Variants in RELN observed in about 807,000 individuals in gnomAD.
The protein encoded by RELN is reelin.
A neutral mutation model predicts 427.6 loss-of-function variants in RELN; 108 were observed. The observed-to-expected ratio is 0.25, with a 90% CI of 0.22 to 0.30. The LOEUF (loss-of-function observed/expected upper bound fraction) is 0.30. Among genes scored for constraint, RELN ranks in the 10% least tolerant of loss-of-function variants. RELN has a pLI of 1.00. For synonymous variants in RELN, 1,524 were observed against 1,513.4 expected (o/e 1.01, Z -0.16); for missense variants, 3,715 against 4,302.8 (o/e 0.86, Z 3.82).
chr7:103,881,496 C>CT (rs1389933003), intron 2 of RELN, among the ~76,000 whole-genome samples: 3 of 152,104 alleles, frequency 2.0e-5, no homozygotes, highest in Non-Finnish European at 4.4e-5. Flanking sequence ...TTCTGCACCC[C>CT]TTCTTGCTGC....
At chr7:103,579,536 T>C (rs1405045294) in intron 28 of RELN, among the ~76,000 whole-genome samples, 3 of 150,882 alleles carry the variant, frequency 2.0e-5, no homozygotes, top group Admixed American at 2.0e-4. Context: ...GAGATGGAGG[T>C]TGCAGTGAGC....
intron 11 of RELN, among the ~76,000 whole-genome samples, chr7:103,667,359 T>C (rs966926208): frequency 2.0e-5 from 3 of 152,236 alleles, no homozygotes; most frequent in African/African-American, 7.2e-5. Flanking sequence ...GTTCAATTTA[T>C]TTTAACATGT....
At chr7:103,793,877 G>A (rs748187171) in intron 3 of RELN, among the ~76,000 whole-genome samples, 2 of 152,016 alleles carry the variant, frequency 1.3e-5, no homozygotes, top group African/African-American at 2.4e-5. Context: ...AGTCATTCTC[G>A]TGCCTCAGCC....
chr7:103,842,618 C>A (rs943126977), intron 2 of RELN, among the ~76,000 whole-genome samples: 1 of 152,186 alleles, frequency 6.6e-6, no homozygotes, highest in Non-Finnish European at 1.5e-5. Context: ...TTGAATAGTA[C>A]GTGCACACAC....
chr7:103,981,587 T>C (rs1480334859), intron 1 of RELN, among the ~76,000 whole-genome samples: 5 of 152,234 alleles, frequency 3.3e-5, no homozygotes, highest in African/African-American at 1.2e-4. Context: ...GAAATACATA[T>C]TAATTAGGAT....
At chr7:103,672,033 T>C (rs1056017036) in intron 11 of RELN, among the ~76,000 whole-genome samples, 2 of 152,120 alleles carry the variant, frequency 1.3e-5, no homozygotes, top group African/African-American at 2.4e-5. Flanking sequence ...TTCATCTGGA[T>C]AGGATGAATT....
chr7:103,651,438 T>C (rs1268785458), intron 15 of RELN, among the ~76,000 whole-genome samples: 1 of 152,048 alleles, frequency 6.6e-6, no homozygotes, highest in Non-Finnish European at 1.5e-5. Context: ...AAAATATAAG[T>C]CAAGTACATA....
At chr7:103,698,976 T>C (rs770408099) in intron 9 of RELN, among the ~76,000 whole-genome samples, 5 of 152,242 alleles carry the variant, frequency 3.3e-5, no homozygotes, top group Non-Finnish European at 5.9e-5. Context: ...CATAATTAAA[T>C]GCTCTCACTT....
rs550506109 is a variant in RELN, at chr7:103,509,620, A to T, written c.8274+1231T>A. Among the ~76,000 whole-genome samples, 6 of 152,346 alleles carry T rather than the reference A, an allele frequency of 3.9e-5. No homozygotes were observed. The South Asian group carries it at 1.0e-3, about 26-fold the overall frequency. On this transcript the variant is annotated intron_variant, in intron 51 of 64. Coordinates refer to ENST00000428762, the MANE Select transcript of RELN (RefSeq NM_005045.4). The stretch of plus-strand genomic sequence containing the variant: ...GCAAAGACTTAATGACTAAAACACC[A>T]AAAGCAATGGCAACAAAAGCCAAAG...
intron 51 of RELN, among the ~76,000 whole-genome samples, chr7:103,508,841 A>G (rs1338912943): frequency 2.7e-5 from 4 of 150,898 alleles, no homozygotes; most frequent in African/African-American, 9.7e-5. Context: ...AAAAATCACA[A>G]GCATTTCTGT....
intron 2 of RELN, among the ~76,000 whole-genome samples, chr7:103,912,850 C>T (rs560270304): frequency 2.6e-5 from 4 of 152,116 alleles, no homozygotes; most frequent in South Asian, 2.1e-4. Flanking sequence ...CTTCATTGAG[C>T]GACCACAATG....
chr7:103,478,295 T>A, intron 64 of RELN, 94 bp downstream of exon 64: 1 of 643,714 alleles, frequency 1.6e-6, no homozygotes, highest in East Asian at 2.7e-5. Context: ...TTTTTTTAGT[T>A]GCAAAGGTGC....
chr7:103,568,998 G>A (rs935730445), intron 31 of RELN, among the ~76,000 whole-genome samples: 4 of 152,168 alleles, frequency 2.6e-5, no homozygotes, highest in African/African-American at 9.7e-5. Flanking sequence ...TTCAAAAAGT[G>A]GAGCTTAATT....
At chr7:103,940,836 G>C (rs1350926825) in intron 1 of RELN, among the ~76,000 whole-genome samples, 1 of 152,170 alleles carries the variant, frequency 6.6e-6, no homozygotes, top group Non-Finnish European at 1.5e-5. Flanking sequence ...TATTTTGTTA[G>C]TGAAATAATC....
chr7:103,540,392 G>A lies in RELN; in HGVS notation c.6735C>T (p.Pro2245=), dbSNP rs1158442529. The A allele has an allele frequency of 7.4e-6, 12 of 1,613,834 alleles. No homozygotes were observed. The highest frequency in any genetic ancestry group is 2.7e-5 in the African/African-American group (2 of 74,898). The change falls in exon 44 of 65, where the codon CCC becomes CCT. Residue 2245 remains proline (P), a synonymous_variant. Transcript: ENST00000428762. ...CGTTGAGAGAATACTGTAGGAGCACGGGTTGACTCCTGGGGTCAGGAACGC... is the reference window on the plus strand; with the variant it reads ...CGTTGAGAGAATACTGTAGGAGCACAGGTTGACTCCTGGGGTCAGGAACGC... The part of the protein sequence containing the change: ...GKGVPDPRSQ[P]VLLQYSLNGG...
At chr7:103,542,950 G>A in intron 42 of RELN, 72 bp from the exon 43 acceptor site, 1 of 1,486,086 alleles carries the variant, frequency 6.7e-7, no homozygotes, top group Non-Finnish European at 9.4e-7. Flanking sequence ...TTTAAAAGGA[G>A]TATGGTAAAT....
chr7:103,539,344 A>C lies in RELN; in HGVS notation c.6931-17T>G. Reference sequence around the variant, plus strand: ...AATAAGAATCTGAAATGTATTTTTAAAAAATCCCAAATTTTCCATTTAGTT... The same window carrying C: ...AATAAGAATCTGAAATGTATTTTTACAAAATCCCAAATTTTCCATTTAGTT... On this transcript the variant is annotated splice_polypyrimidine_tract_variant and intron_variant, in intron 44 of 64. Coordinates refer to ENST00000428762, the MANE Select transcript of RELN (RefSeq NM_005045.4). The C allele has an allele frequency of 6.2e-7, 1 of 1,612,026 alleles. No homozygotes were observed. Among genetic ancestry groups the C allele is most frequent in the Non-Finnish European group, 8.5e-7 (1 of 1,178,314 alleles).
chr7:103,787,555 C>T (rs1353167131), intron 3 of RELN, among the ~76,000 whole-genome samples: 3 of 152,126 alleles, frequency 2.0e-5, no homozygotes, highest in Admixed American at 2.0e-4. Flanking sequence ...ATGATTAACA[C>T]CTCTACACAA....
intron 3 of RELN, among the ~76,000 whole-genome samples, chr7:103,790,908 G>C (rs562384663): frequency 6.6e-6 from 1 of 152,106 alleles, no homozygotes; most frequent in East Asian, 1.9e-4. Flanking sequence ...GTTGCAGTGT[G>C]CCAGATCGCG....
Sources: allele counts gnomAD v4.1 joint callset (sites outside exome capture counted in the v4.1 genomes callset), GRCh38; gene constraint gnomAD v4.1.1; transcripts MANE v1.5; gene names NCBI Gene and HGNC (gene_info 2026-07-23, HGNC 2026-07-21).